PLTP: variants seen among roughly 807,000 people sequenced by gnomAD.
PLTP encodes phospholipid transfer protein.
PLTP carries 43 observed loss-of-function variants against 54.1 expected under a neutral mutation model. The observed-to-expected ratio is 0.79, with a 90% CI of 0.62 to 1.02. PLTP has a LOEUF of 1.02. Ranked by LOEUF, PLTP falls within the 50% of genes least tolerant of loss-of-function variation. The pLI, the probability that PLTP is intolerant of heterozygous loss-of-function variation, is 0.00. For missense variants in PLTP, 604 were observed against 645.9 expected (o/e 0.94, Z 0.70); for synonymous variants, 263 against 264.6 (o/e 0.99, Z 0.06).
chr20:45,898,656 TC>T lies in PLTP; in HGVS notation c.*284del. The T allele has an allele frequency of 1.5e-6, 1 of 686,020 alleles. No individual in the cohort carries two copies. 42.5% of individuals were successfully genotyped at this position (686,020 alleles called of 1,614,324 possible). A position where few individuals can be genotyped will look rare whatever the true frequency, so the allele number is the denominator to read the frequency against. On this transcript the variant is annotated 3_prime_UTR_variant, in exon 16 of 16. Coordinates refer to ENST00000372431, the MANE Select transcript of PLTP (RefSeq NM_006227.4). This position sits in a 1 kb window ranked among gnomAD's most constrained non-coding sequence, Gnocchi z 4.6. ...GTTAGCACTTTATTCCCGCAGCAGT[TC>T]CTGAATGGGGTGGCCTGGCCCCTTC... is the stretch of plus-strand genomic sequence containing the variant.
chr20:45,905,838 C>A (rs777014827), intron 8 of PLTP, among the ~76,000 whole-genome samples: 1 of 152,216 alleles, frequency 6.6e-6, no homozygotes, highest in Non-Finnish European at 1.5e-5. Context: ...GGGCAAGTGA[C>A]GTCACCTCTA....
Position 45,899,631 on chromosome 20 carries a change from T to C in PLTP, c.1273A>G (p.Met425Val). The C allele has an allele frequency of 2.5e-6, 4 of 1,613,932 alleles. No individual in the cohort carries two copies. Among genetic ancestry groups the C allele is most frequent in the Non-Finnish European group, 3.4e-6 (4 of 1,179,984 alleles). The change falls in exon 14 of 16, where the codon ATG becomes GTG. Residue 425 changes from methionine (M) to valine (V), a missense_variant. Met to Val is a conservative substitution (Grantham distance 21). Coordinates refer to ENST00000372431, the MANE Select transcript of PLTP (RefSeq NM_006227.4). The stretch of plus-strand genomic sequence containing the variant: ...CACACCCCAGCCTTACCATTGAGCA[T>C]GGGCATCACCCCAATCTGCAGCATG... ...KTMLQIGVMP[M>V]LNERTWRGVQ... is the part of the protein sequence containing the mutation.
In PLTP at chr20:45,898,870, G is replaced by C. The variant is rs1241523535; in HGVS notation, c.*71C>G. The C allele has an allele frequency of 5.1e-6, 8 of 1,569,344 alleles. No individual in the cohort carries two copies. Among genetic ancestry groups the C allele is most frequent in the Non-Finnish European group, 7.0e-6 (8 of 1,150,848 alleles). ...GGTTAGAGGGGGCACTACAGGCTAT[G>C]AATGTGGGAAAAGAGGGGCTGAGAG... is the stretch of plus-strand genomic sequence containing the variant. On this transcript the variant is annotated 3_prime_UTR_variant, in exon 16 of 16. Transcript: ENST00000372431. This position sits in a 1 kb window ranked among gnomAD's most constrained non-coding sequence, Gnocchi z 4.6.
At chr20:45,906,498 G>A (rs2083239895) in intron 7 of PLTP, 139 bp from the exon 8 acceptor site, 1 of 724,350 alleles carries the variant, frequency 1.4e-6, no homozygotes, top group South Asian at 1.5e-5. Context: ...AGTTTTATGT[G>A]GAAAGCACTT....
rs1363551291 is a variant in PLTP at position 45,904,956 on chromosome 20, G to A, written c.868C>T (p.Leu290=). The change falls in exon 9 of 16, where the codon CTG becomes TTG. Residue 290 remains leucine, a synonymous_variant. Transcript: ENST00000372431. ...CCATGACATACCTTGTCCCCCACCAGCAACAGCTGCAGGGCCCCCGCCCGG... is the reference window on the plus strand; with the variant it reads ...CCATGACATACCTTGTCCCCCACCAACAACAGCTGCAGGGCCCCCGCCCGG... ...YFRAGALQLL[L]VGDKVPHDLD... The A allele has an allele frequency of 1.9e-6, 3 of 1,614,250 alleles. No individual in the cohort carries two copies. The South Asian group carries it at 3.3e-5, about 18-fold the overall frequency.
At chr20:45,911,889 G>A in intron 1 of PLTP, 190 bp downstream of exon 1, 1 of 253,130 alleles carries the variant, frequency 4.0e-6, no homozygotes, top group Non-Finnish European at 7.9e-6. Flanking sequence ...AGGAGAGGAG[G>A]TGGCCGACCA....
rs1178763786 is a variant in PLTP, at chr20:45,904,841, T to C, written c.901A>G (p.Met301Val). 6.2e-7 allele frequency: 1 copy of C among 1,614,066 alleles called. No individual in the cohort carries two copies. Among genetic ancestry groups the C allele is most frequent in the East Asian group, 2.2e-5 (1 of 44,890 alleles). ...CCAAAGTAGGTGGCCCTCAGCAGCA[T>C]GTCCAGGTCGTGGGGCACCTGAACA... ...VGDKVPHDLD[M>V]LLRATYFGSI... is the part of the protein sequence containing the mutation. Residue 301 changes from methionine to valine, a missense_variant, in exon 10 of 16, where the codon ATG becomes GTG. Physicochemically the swap from Met to Val is conservative, Grantham distance 21. Transcript: ENST00000372431.
chr20:45,910,781 T>G, intron 3 of PLTP: 1 of 1,126,926 alleles, frequency 8.9e-7, no homozygotes, highest in Non-Finnish European at 1.1e-6. Context: ...TAAACCATAC[T>G]TAGAGCCTTC....
In PLTP at chr20:45,900,098, C is replaced by CTTTTTT. The variant is rs71181874; in HGVS notation, c.1176-226_1176-221dup. Among the ~76,000 whole-genome samples, 14 of 55,748 alleles carry CTTTTTT rather than the reference C, an allele frequency of 2.5e-4. 1 individual carries two copies. Among genetic ancestry groups the CTTTTTT allele is most frequent in the African/African-American group, 9.3e-4 (13 of 14,042 alleles). The allele number at this position is 55,748 out of a possible 152,430, so 36.6% of individuals were successfully genotyped here. A position where few individuals can be genotyped will look rare whatever the true frequency, so the allele number is the denominator to read the frequency against. On this transcript the variant is annotated intron_variant, in intron 12 of 15. Coordinates refer to ENST00000372431, the MANE Select transcript of PLTP (RefSeq NM_006227.4). ...GCTACTTTTTATTTATTGAGCACCT[C>CTTTTTT]TTTTTTTTTTTTTTTTTTTTTTTTT...
rs61731059 is a variant in PLTP, at chr20:45,904,975, C to T, written c.849G>A (p.Ala283=). ...FDSAMESYFR[A]GALQLLLVGD... ...CCACCAGCAACAGCTGCAGGGCCCC[C>T]GCCCGGAAGTAGCTCTCCATGGCAG... Residue 283 remains alanine (A), a synonymous_variant, in exon 9 of 16, where the codon GCG becomes GCA. Coordinates refer to ENST00000372431, the MANE Select transcript of PLTP (RefSeq NM_006227.4). The T allele has an allele frequency of 1.4e-4, 226 of 1,614,154 alleles. No individual in the cohort carries two copies. The highest frequency in any genetic ancestry group is 8.3e-4 in the Admixed American group (50 of 60,018).
At chr20:45,910,467 T>C (rs910424447) in intron 3 of PLTP, among the ~76,000 whole-genome samples, 1 of 151,808 alleles carries the variant, frequency 6.6e-6, no homozygotes, top group Non-Finnish European at 1.5e-5. Flanking sequence ...ATACAAAACT[T>C]AGCAGACCGT....
intron 3 of PLTP, among the ~76,000 whole-genome samples, chr20:45,910,409 A>G (rs1399353486): frequency 6.6e-6 from 1 of 152,124 alleles, no homozygotes; most frequent in Non-Finnish European, 1.5e-5. Flanking sequence ...TGAGGTCAGG[A>G]GTTCGAGACC....
At chr20:45,908,962 A>AT (rs772186266) in intron 5 of PLTP, among the ~76,000 whole-genome samples, 28,547 of 118,002 alleles carry the variant, frequency 0.24, 4,417 homozygotes, top group East Asian at 0.48. Flanking sequence ...GCTGTTCTAA[A>AT]TTTTTTTTTT....
chr20:45,902,367 C>T (rs1438148786), intron 11 of PLTP, 33 bp from the exon 12 acceptor site: 1 of 1,614,094 alleles, frequency 6.2e-7, no homozygotes, highest in Non-Finnish European at 8.5e-7. Context: ...ATGTTACTGA[C>T]CCAGAAGGTC....
At position 45,909,668 on chromosome 20, in the gene PLTP, A is replaced by G. The variant is rs1055826503; in HGVS notation, c.333T>C (p.Tyr111=). ...CTGAGGCGTTGATGTAGCCCCCATC[A>G]TAGCTGCCAGGGGGGTTAATATTCA... ...FRRQLLYWFF[Y]DGGYINASAE... Residue 111 remains tyrosine, a synonymous_variant, in exon 5 of 16, where the codon TAT becomes TAC. Coordinates refer to ENST00000372431, the MANE Select transcript of PLTP (RefSeq NM_006227.4). The G allele has an allele frequency of 1.8e-5, 29 of 1,614,036 alleles. No homozygotes were observed. The highest frequency in any genetic ancestry group is 2.5e-5 in the Non-Finnish European group (29 of 1,180,018).
At position 45,910,019 on chromosome 20, in the gene PLTP, T is replaced by C. The variant is rs1051835008; in HGVS notation, c.252A>G (p.Pro84=). The change falls in exon 4 of 16, where the codon CCA becomes CCG. Residue 84 remains proline, a synonymous_variant. Coordinates refer to ENST00000372431, the MANE Select transcript of PLTP (RefSeq NM_006227.4). ...QLTSSELDFQ[P]QQELMLQITN... ...TGATTTGAAGCATCAGCTCCTGCTG[T>C]GGCTGGAAATCGAGCTCGGAAGATG... 1 of 1,614,098 alleles carries C rather than the reference T, an allele frequency of 6.2e-7. No homozygotes were observed. Among genetic ancestry groups the C allele is most frequent in the Non-Finnish European group, 8.5e-7 (1 of 1,179,972 alleles).
At position 45,907,619 on chromosome 20, in the gene PLTP, A is replaced by AGGGCTC. The variant is rs1177670300; in HGVS notation, c.613+67_613+72dup. On this transcript the variant is annotated intron_variant, in intron 7 of 15. Transcript: ENST00000372431. ...TTTGAACCCAGGACTGTTCAACAGC[A>AGGGCTC]GGGCTCGGAAGGGGCCTGCTCTGAG... The AGGGCTC allele has an allele frequency of 7.2e-6, 10 of 1,397,276 alleles. No homozygotes were observed. In the Admixed American group the frequency reaches 7.3e-5, roughly 10 times the overall value. 86.6% of individuals were successfully genotyped at this position (1,397,276 alleles called of 1,614,324 possible).
At chr20:45,902,234 A>C in intron 12 of PLTP, 33 bp downstream of exon 12, 1 of 1,608,026 alleles carries the variant, frequency 6.2e-7, no homozygotes, top group African/African-American at 1.3e-5. Context: ...TTGTCCTCCA[A>C]TCACTGAGGT....
At chr20:45,910,906 T>C in intron 3 of PLTP, 10 of 1,400,106 alleles carry the variant, frequency 7.1e-6, no homozygotes, top group Non-Finnish European at 9.3e-6. Context: ...TCACATCCAC[T>C]GGTCCTGCTT....
Sources: gnomAD v4.1 joint callset for allele counts (sites outside exome capture counted in the v4.1 genomes callset) on GRCh38, gnomAD v4.1.1 for gene constraint, Gnocchi (gnomAD v3.1) non-coding constraint, MANE v1.5 for transcripts, NCBI Gene and HGNC (gene_info 2026-07-23, HGNC 2026-07-21) for gene names.